Variants in KIAA1210 observed in about 807,000 individuals in gnomAD.
KIAA1210 encodes the protein KIAA1210.
Under a neutral mutation model 78.9 loss-of-function variants are expected in KIAA1210, and 48 were observed. The ratio of observed to expected loss-of-function variants is 0.61; its 90% confidence interval spans 0.48 to 0.77. KIAA1210 has a LOEUF of 0.77. KIAA1210 is among the 30% of genes least tolerant of loss of function. KIAA1210 has a pLI of 0.00. For synonymous variants in KIAA1210, 406 were observed against 404.5 expected (o/e 1.00, Z -0.04); for missense variants, 1,108 against 1,100.0 (o/e 1.01, Z -0.10).
intron 11 of KIAA1210, among the ~76,000 whole-genome samples, chrX:119,082,265 A>G (rs1284891922): frequency 8.9e-6 from 1 of 112,486 alleles, no homozygotes; most frequent in Non-Finnish European, 1.9e-5. Flanking sequence ...GTTGTGATTC[A>G]CTTGATAGGA....
chrX:119,125,740 T>A (rs867127136), intron 1 of KIAA1210, among the ~76,000 whole-genome samples: 71 of 56,063 alleles, frequency 1.3e-3, no homozygotes, highest in East Asian at 3.5e-3. Context: ...TATATATTTT[T>A]TTTTTTTTTT....
At chrX:119,122,656 T>TATTC (rs1231528194) in intron 2 of KIAA1210, among the ~76,000 whole-genome samples, 1 of 112,572 alleles carries the variant, frequency 8.9e-6, no homozygotes, top group East Asian at 2.8e-4. Context: ...TTCACTCATT[T>TATTC]ATTCATTCAT....
chrX:119,145,949 G>T (rs376322357), intron 2 of KIAA1210, among the ~76,000 whole-genome samples: 1 of 111,944 alleles, frequency 8.9e-6, no homozygotes, highest in Non-Finnish European at 1.9e-5. Flanking sequence ...TATAACTATG[G>T]AATTGTGAAG....
intron 2 of KIAA1210, among the ~76,000 whole-genome samples, chrX:119,120,201 T>C (rs901170082): frequency 1.8e-5 from 2 of 111,279 alleles, no homozygotes; most frequent in East Asian, 2.8e-4. Context: ...ATTACAGGTA[T>C]GAGCTACTGT....
chrX:119,102,234 T>A (rs1371167016), intron 6 of KIAA1210, among the ~76,000 whole-genome samples: 1 of 113,013 alleles, frequency 8.8e-6, no homozygotes, highest in East Asian at 2.8e-4. Flanking sequence ...ATCTTTCCTA[T>A]CTGCTTTACA....
intron 2 of KIAA1210, among the ~76,000 whole-genome samples, chrX:119,118,080 G>T (rs766016410): frequency 8.9e-6 from 1 of 112,184 alleles, no homozygotes; most frequent in Admixed American, 9.4e-5. Context: ...AGTCTCAACT[G>T]TCTGGTCTCC....
At chrX:119,132,513 C>A (rs940396416), upstream of KIAA1210, among the ~76,000 whole-genome samples, 2 of 111,631 alleles carry the variant, frequency 1.8e-5, no homozygotes. Flanking sequence ...CTCTCTCAAG[C>A]AAATTGTCAG....
Position 119,087,471 on chromosome X carries a change from T to C in KIAA1210, c.3231A>G (p.Ser1077=). The change falls in exon 9 of 12, where the codon TCA becomes TCG. Residue 1077 remains serine, a synonymous_variant. Transcript: ENST00000691062. ...GSANPKGGIS[S]KMLPMKHPLQ... is the part of the protein sequence containing the mutation. ...AAGGGTGCTTCATAGGTAGCATCTT[T>C]GAAGAAATGCCTCCCTTAGGATTAG... 1 of 1,209,978 alleles carries C rather than the reference T, an allele frequency of 8.3e-7. No homozygotes were observed. Among genetic ancestry groups the C allele is most frequent in the East Asian group, 3.0e-5 (1 of 33,830 alleles).
At position 119,112,681 on chromosome X, in the gene KIAA1210, AT is replaced by A. The variant is rs777929209; in HGVS notation, c.231-3480del. On this transcript the variant is annotated intron_variant, in intron 3 of 11. Coordinates refer to ENST00000691062, the MANE Select transcript of KIAA1210 (RefSeq NM_001394962.1). ...AAATTCAATTCAGATAATAACACGCATTGGCAAGGTTGTGGAGAAATTGGAA... is the reference window on the plus strand; with the variant it reads ...AAATTCAATTCAGATAATAACACGCATGGCAAGGTTGTGGAGAAATTGGAA... 6.3e-5 allele frequency among the ~76,000 whole-genome samples: 7 copies of A among 111,738 alleles called. No individual in the cohort carries two copies. In the South Asian group the frequency reaches 2.6e-3, roughly 42 times the overall value.
chrX:119,099,400 T>A lies in KIAA1210; in HGVS notation c.649-2709A>T, dbSNP rs758669870. ...ATAACAGCCACTGATCTCCCTGTGT[T>A]AGCTTGACTCTCACTAAGGAATCTA... On this transcript the variant is annotated intron_variant, in intron 6 of 11. Transcript: ENST00000691062. Among the ~76,000 whole-genome samples, 237 of 112,207 alleles carry A rather than the reference T, an allele frequency of 2.1e-3. 3 individuals are homozygous for A. The highest frequency in any genetic ancestry group is 7.3e-3 in the African/African-American group (227 of 30,889).
chrX:119,108,197 A>C, intron 5 of KIAA1210, 140 bp downstream of exon 5: 1 of 522,806 alleles, frequency 1.9e-6, no homozygotes. Flanking sequence ...TACCCACTGT[A>C]GATGAGGAAA....
intron 2 of KIAA1210, among the ~76,000 whole-genome samples, chrX:119,120,742 T>C (rs1357251928): frequency 1.8e-5 from 2 of 112,039 alleles, no homozygotes; most frequent in African/African-American, 6.5e-5. Flanking sequence ...GTGTCTCTTT[T>C]AACCATGGAC....
At chrX:119,106,862 T>C (rs1603267871) in intron 5 of KIAA1210, among the ~76,000 whole-genome samples, 1 of 112,244 alleles carries the variant, frequency 8.9e-6, no homozygotes, top group Non-Finnish European at 1.9e-5. Context: ...CTGGATTTCT[T>C]CTTTAACAAT....
At chrX:119,115,531 T>C (rs1215824680) in intron 3 of KIAA1210, among the ~76,000 whole-genome samples, 3 of 112,191 alleles carry the variant, frequency 2.7e-5, no homozygotes, top group South Asian at 3.7e-4. Flanking sequence ...AAGGTTGTTC[T>C]TAAGGAGCCA....
At position 119,087,910 on chromosome X, in the gene KIAA1210, G is replaced by A; in HGVS notation, c.2792C>T (p.Thr931Ile). 1 of 1,211,897 alleles carries A rather than the reference G, an allele frequency of 8.3e-7. No individual in the cohort carries two copies. Among genetic ancestry groups the A allele is most frequent in the Non-Finnish European group, 1.1e-6 (1 of 895,486 alleles). The change falls in exon 9 of 12, where the codon ACT (threonine) becomes ATT (isoleucine). Residue 931 changes from threonine to isoleucine, a missense_variant. By Grantham distance (89) the Thr-to-Ile change is moderately conservative (BLOSUM62 -1). This residue lies in a region of KIAA1210 where 179 missense variants were observed against 174.1 expected (regional missense o/e 1.03). Coordinates refer to ENST00000691062, the MANE Select transcript of KIAA1210 (RefSeq NM_001394962.1). Reference sequence around the variant, plus strand: ...CTTAGAAATGTCCTCTTCAACAGTAGTGCTTTCTGGATGTGCAGAGAGTTG... The same window carrying A: ...CTTAGAAATGTCCTCTTCAACAGTAATGCTTTCTGGATGTGCAGAGAGTTG... ...LYQLSAHPES[T>I]TVEEDISKEQ...
At chrX:119,135,782 A>AGT (rs939454742) in intron 2 of KIAA1210, among the ~76,000 whole-genome samples, 2 of 112,346 alleles carry the variant, frequency 1.8e-5, no homozygotes, top group African/African-American at 6.5e-5. Context: ...GGCCAGGTGC[A>AGT]GTGGCTCACG....
At chrX:119,142,875 T>A (rs1929082408) in intron 2 of KIAA1210, among the ~76,000 whole-genome samples, 1 of 107,014 alleles carries the variant, frequency 9.3e-6, no homozygotes, top group Non-Finnish European at 1.9e-5. Flanking sequence ...GAGAACTCAC[T>A]CATTACCACT....
At chrX:119,124,690 T>A (rs1433209632) in intron 1 of KIAA1210, among the ~76,000 whole-genome samples, 1 of 110,969 alleles carries the variant, frequency 9.0e-6, no homozygotes, top group Non-Finnish European at 1.9e-5. Flanking sequence ...GAGTTTTGAG[T>A]TGAGGCTGGG....
chrX:119,081,257 A>T lies in KIAA1210; in HGVS notation c.*72T>A. ...ACTCCAATCTGGGTAACAGAGCGAG[A>T]CTCTGTCTCAAAAAAAAAAAAAAAA... On this transcript the variant is annotated 3_prime_UTR_variant, in exon 12 of 12. Coordinates refer to ENST00000691062, the MANE Select transcript of KIAA1210 (RefSeq NM_001394962.1). The T allele has an allele frequency of 1.2e-6, 1 of 852,858 alleles. No individual in the cohort carries two copies. The highest frequency in any genetic ancestry group is 1.5e-6 in the Non-Finnish European group (1 of 648,871). 70.3% of individuals were successfully genotyped at this position (852,858 alleles called of 1,213,427 possible).
Sources: allele counts gnomAD v4.1 joint callset (sites outside exome capture counted in the v4.1 genomes callset), GRCh38; gene constraint gnomAD v4.1.1; regional missense constraint gnomAD v4.1.1; transcripts MANE v1.5; gene names NCBI Gene and HGNC (gene_info 2026-07-23, HGNC 2026-07-21).